ACTR3C: variants seen among roughly 807,000 people sequenced by gnomAD.
The protein encoded by ACTR3C is actin-related protein 3C.
In ACTR3C, 18 loss-of-function variants were observed where a neutral mutation model predicts 26.3. That is an observed-to-expected ratio of 0.68 (90% confidence interval 0.47 to 1.01). The LOEUF (loss-of-function observed/expected upper bound fraction) is 1.01, where lower values mean the gene tolerates loss of function less well. Among genes scored for constraint, ACTR3C ranks in the 50% least tolerant of loss-of-function variants. The pLI is 0.00. For missense variants in ACTR3C, 184 were observed against 250.7 expected (o/e 0.73, Z 1.80); for synonymous variants, 55 against 94.5 (o/e 0.58, Z 2.42).
chr7:150,235,208 G>A, the ACTR3C span, among the ~76,000 whole-genome samples: 2 of 152,224 alleles, frequency 1.3e-5, no homozygotes, highest in Admixed American at 1.3e-4. Flanking sequence ...GGTAAAATCT[G>A]TAGCTTACAG....
At chr7:150,105,640 G>A in the ACTR3C span, among the ~76,000 whole-genome samples, 1 of 152,024 alleles carries the variant, frequency 6.6e-6, no homozygotes, top group Admixed American at 6.6e-5. Flanking sequence ...GCTCCAGGCA[G>A]GCTGGTCCCT....
At chr7:150,044,370 G>A in the ACTR3C span, among the ~76,000 whole-genome samples, 1 of 152,040 alleles carries the variant, frequency 6.6e-6, no homozygotes, top group Non-Finnish European at 1.5e-5. Context: ...TGATTCCTCA[G>A]AGGAGTTGCC....
the ACTR3C span, among the ~76,000 whole-genome samples, chr7:150,080,593 C>A: frequency 6.7e-6 from 1 of 149,414 alleles, no homozygotes; most frequent in Admixed American, 6.7e-5. Context: ...TATTTGAAAC[C>A]TGGGCTGTCA....
At chr7:150,036,367 C>G in the ACTR3C span, among the ~76,000 whole-genome samples, 1 of 147,460 alleles carries the variant, frequency 6.8e-6, no homozygotes, top group East Asian at 1.9e-4. Context: ...ACGTAGGCTA[C>G]GGGCCTCAGC....
chr7:150,103,961 C>T, the ACTR3C span, among the ~76,000 whole-genome samples: 1 of 151,756 alleles, frequency 6.6e-6, no homozygotes, highest in Non-Finnish European at 1.5e-5. Context: ...CTATTGGAGA[C>T]GATTTAAACA....
chr7:149,994,640 G>A, the ACTR3C span, among the ~76,000 whole-genome samples: 2 of 152,058 alleles, frequency 1.3e-5, no homozygotes, highest in East Asian at 3.9e-4. Context: ...GGGCTTTATG[G>A]AGACAGTACA....
At chr7:150,231,769 G>A in the ACTR3C span, among the ~76,000 whole-genome samples, 1 of 151,928 alleles carries the variant, frequency 6.6e-6, no homozygotes, top group Admixed American at 6.6e-5. Context: ...TTGTTCCTGT[G>A]TGTTTTATGG....
Position 150,254,536 on chromosome 7 carries a change from C to T in ACTR3C, c.565-5482G>A, listed in dbSNP as rs187962987. ...AGGCCTCCCAGACAGTATCAAAGAGCGAAACTTACCAGATCATGGCATCTG... is the reference window on the plus strand; with the variant it reads ...AGGCCTCCCAGACAGTATCAAAGAGTGAAACTTACCAGATCATGGCATCTG... On this transcript the variant is annotated intron_variant, in intron 6 of 7. Coordinates refer to ENST00000683684, the MANE Select transcript of ACTR3C (RefSeq NM_001164458.2). 5.2e-3 allele frequency among the ~76,000 whole-genome samples: 791 copies of T among 152,164 alleles called. 5 individuals carry two copies. The highest frequency in any genetic ancestry group is 0.018 in the African/African-American group (734 of 41,504).
the ACTR3C span, among the ~76,000 whole-genome samples, chr7:150,182,050 T>A: frequency 3.9e-3 from 586 of 150,238 alleles, 31 homozygotes; most frequent in East Asian, 0.09. Context: ...AGTGAGAGAC[T>A]GGGGTTTGTG....
At chr7:150,111,372 C>T in the ACTR3C span, among the ~76,000 whole-genome samples, 1 of 105,472 alleles carries the variant, frequency 9.5e-6, no homozygotes, top group African/African-American at 4.7e-5. Flanking sequence ...CTCCGAGCCC[C>T]TCCTCAAATG....
At chr7:150,035,299 C>T in the ACTR3C span, among the ~76,000 whole-genome samples, 1 of 53,434 alleles carries the variant, frequency 1.9e-5, no homozygotes, top group African/African-American at 5.5e-5. Context: ...TGCCTCCCCC[C>T]CCTTGCGATG....
chr7:150,019,934 G>A, the ACTR3C span, among the ~76,000 whole-genome samples: 1 of 152,212 alleles, frequency 6.6e-6, no homozygotes, highest in South Asian at 2.1e-4. Flanking sequence ...AGGGTCCAGG[G>A]ATTCAGGACA....
intron 6 of ACTR3C, among the ~76,000 whole-genome samples, chr7:150,278,948 T>C (rs531255917): frequency 2.0e-5 from 3 of 152,370 alleles, no homozygotes; most frequent in South Asian, 2.1e-4. Context: ...CAATGATATG[T>C]ATTTTTTTCT....
At chr7:150,032,748 C>G in the ACTR3C span, among the ~76,000 whole-genome samples, 2 of 152,060 alleles carry the variant, frequency 1.3e-5, no homozygotes, top group African/African-American at 4.8e-5. Context: ...TTCTAAAGAA[C>G]AATAGGTTAC....
At chr7:149,923,939 G>A in the ACTR3C span, among the ~76,000 whole-genome samples, 1 of 151,956 alleles carries the variant, frequency 6.6e-6, no homozygotes, top group East Asian at 1.9e-4. Flanking sequence ...GGAGGTTGCA[G>A]TGAGTCGACA....
the ACTR3C span, among the ~76,000 whole-genome samples, chr7:150,045,653 ATTTG>A: frequency 0.024 from 3,684 of 151,780 alleles, 152 homozygotes; most frequent in African/African-American, 0.085. Context: ...TATATCCCTG[ATTTG>A]TTTCTCAGGA....
At chr7:149,996,612 C>G in the ACTR3C span, among the ~76,000 whole-genome samples, 1 of 135,200 alleles carries the variant, frequency 7.4e-6, no homozygotes, top group Non-Finnish European at 1.7e-5. Context: ...AAATAAAACT[C>G]CCACTTCTAC....
At chr7:150,202,072 A>G in the ACTR3C span, among the ~76,000 whole-genome samples, 16 of 152,174 alleles carry the variant, frequency 1.1e-4, no homozygotes, top group African/African-American at 3.6e-4. Context: ...CCTTGTTTGT[A>G]ATAACACATC....
the ACTR3C span, among the ~76,000 whole-genome samples, chr7:150,213,201 A>G: frequency 6.6e-6 from 1 of 152,218 alleles, no homozygotes; most frequent in African/African-American, 2.4e-5. Flanking sequence ...CCTTCTTAGC[A>G]GGACTCTGGT....
Sources: gnomAD v4.1 joint callset for allele counts (sites outside exome capture counted in the v4.1 genomes callset) on GRCh38, gnomAD v4.1.1 for gene constraint, MANE v1.5 for transcripts, NCBI Gene and HGNC (gene_info 2026-07-23, HGNC 2026-07-21) for gene names.